FOXP1: variants seen among roughly 807,000 people sequenced by gnomAD.
The protein encoded by FOXP1 is forkhead box protein P1.
A neutral mutation model predicts 98.2 loss-of-function variants in FOXP1; 15 were observed. The ratio of observed to expected loss-of-function variants is 0.15; its 90% CI spans 0.10 to 0.24. The LOEUF (loss-of-function observed/expected upper bound fraction) is 0.24, where lower values mean the gene tolerates loss of function less well. FOXP1 is among the 10% of genes least tolerant of loss of function. The pLI, the probability that FOXP1 is intolerant of heterozygous loss-of-function variation, is 1.00. For synonymous variants in FOXP1, 371 were observed against 314.5 expected (o/e 1.18, Z -1.90); for missense variants, 633 against 848.5 (o/e 0.75, Z 3.15).
At chr3:71,415,017 C>T (rs2083101690) in intron 3 of FOXP1, among the ~76,000 whole-genome samples, 1 of 152,192 alleles carries the variant, frequency 6.6e-6, no homozygotes, top group Admixed American at 6.5e-5. Context: ...TATCTATAAT[C>T]TCACCCTAAG....
chr3:71,580,644 C>T (rs987502707), intron 2 of FOXP1, among the ~76,000 whole-genome samples: 21 of 151,848 alleles, frequency 1.4e-4, no homozygotes, highest in Non-Finnish European at 2.2e-4. Flanking sequence ...ACACATCTCC[C>T]TCCAAATTGA....
intron 5 of FOXP1, chr3:71,296,620 T>C (rs773573888): frequency 2.0e-5 from 3 of 151,122 alleles, no homozygotes; most frequent in African/African-American, 2.4e-5. Context: ...AAAAAAAAAG[T>C]GTTAAGTAAT....
chr3:71,190,332 T>C (rs1049792967), intron 6 of FOXP1, among the ~76,000 whole-genome samples: 3 of 151,968 alleles, frequency 2.0e-5, no homozygotes, highest in Non-Finnish European at 4.4e-5. Context: ...TAAATGAGGC[T>C]GGGTGTGGTG....
intron 12 of FOXP1, 32 bp downstream of exon 12, chr3:71,015,517 A>C: frequency 6.7e-7 from 1 of 1,490,682 alleles, no homozygotes. Flanking sequence ...TTGGCTATGT[A>C]AAAGAAGAAA....
rs2032382100 is a variant in FOXP1 at position 70,958,438 on chromosome 3, T to TAGAGA, written c.*804_*808dup. Reference sequence around the variant, plus strand: ...ACCAAAACGGAATGTTTTCTGACTTTAGAGAAACGTGGTGATGTCTGAAGG... The same window carrying TAGAGA: ...ACCAAAACGGAATGTTTTCTGACTTTAGAGAAGAGAAACGTGGTGATGTCTGAAGG... On this transcript the variant is annotated 3_prime_UTR_variant, in exon 21 of 21. Transcript: ENST00000649528. The TAGAGA allele has an allele frequency of 2.3e-6, 1 of 431,246 alleles. No homozygotes were observed. Among genetic ancestry groups the TAGAGA allele is most frequent in the South Asian group, 2.2e-5 (1 of 45,714 alleles). 26.7% of individuals were successfully genotyped at this position (431,246 alleles called of 1,614,324 possible).
chr3:71,433,361 C>T (rs755815626), intron 3 of FOXP1, among the ~76,000 whole-genome samples: 2 of 152,170 alleles, frequency 1.3e-5, no homozygotes, highest in African/African-American at 4.8e-5. Context: ...TGTATAAACA[C>T]TCTACGTGTC....
chr3:71,339,204 G>A (rs1459959892), intron 4 of FOXP1, among the ~76,000 whole-genome samples: 5 of 152,294 alleles, frequency 3.3e-5, no homozygotes, highest in South Asian at 2.1e-4. Context: ...AGTTGATGCC[G>A]CACACGGCTA....
At position 71,052,620 on chromosome 3, in the gene FOXP1, G is replaced by A. The variant is rs1412276376; in HGVS notation, c.427C>T (p.Leu143Phe). The change falls in exon 9 of 21, where the codon CTT (leucine) becomes TTT (phenylalanine). Residue 143 changes from leucine to phenylalanine, a missense_variant. Physicochemically the swap from Leu to Phe is conservative, Grantham distance 22. Around this residue, in one of 6 missense-constraint regions of FOXP1, gnomAD observed 210 missense variants for 270.6 expected, o/e 0.78. Coordinates refer to ENST00000649528, the MANE Select transcript of FOXP1 (RefSeq NM_001349338.3). Reference sequence around the variant, plus strand: ...TGTTGTTTTTTATAAAACTCTTGAAGCTGCTGCTACAAAGGAAAGAGAGGA... The same window carrying A: ...TGTTGTTTTTTATAAAACTCTTGAAACTGCTGCTACAAAGGAAAGAGAGGA... ...QQALMLQQQQLQEFYKKQQEQ... is the reference protein window; with the variant it reads ...QQALMLQQQQFQEFYKKQQEQ... 2 of 1,252,582 alleles carry A rather than the reference G, an allele frequency of 1.6e-6. No homozygotes were observed. Among genetic ancestry groups the A allele is most frequent in the Admixed American group, 1.7e-5 (1 of 59,606 alleles). The allele number at this position is 1,252,582 out of a possible 1,614,324, so 77.6% of individuals were successfully genotyped here. A position where few individuals can be genotyped will look rare whatever the true frequency, so the allele number is the denominator to read the frequency against.
chr3:71,003,165 G>A (rs2042326764), intron 12 of FOXP1, among the ~76,000 whole-genome samples: 2 of 152,104 alleles, frequency 1.3e-5, no homozygotes, highest in African/African-American at 4.8e-5. Flanking sequence ...AGTCACCCTC[G>A]CCAAACTGAT....
chr3:71,221,857 C>G (rs1242250281), intron 5 of FOXP1, among the ~76,000 whole-genome samples: 1 of 152,184 alleles, frequency 6.6e-6, no homozygotes, highest in Non-Finnish European at 1.5e-5. Flanking sequence ...TGAAGCCAAT[C>G]AGAACAAAGT....
At chr3:71,370,117 G>A (rs1399856376) in intron 3 of FOXP1, among the ~76,000 whole-genome samples, 3 of 152,192 alleles carry the variant, frequency 2.0e-5, no homozygotes. Flanking sequence ...GGACAAAGCA[G>A]ATAGGAGCAA....
chr3:71,530,007 A>T (rs1406222707), intron 2 of FOXP1, among the ~76,000 whole-genome samples: 1 of 152,154 alleles, frequency 6.6e-6, no homozygotes, highest in Non-Finnish European at 1.5e-5. Context: ...AAGCAGGGGC[A>T]GTCTAGTGGG....
At chr3:71,131,798 A>G (rs928100955) in intron 6 of FOXP1, among the ~76,000 whole-genome samples, 1 of 152,244 alleles carries the variant, frequency 6.6e-6, no homozygotes, top group Admixed American at 6.5e-5. Flanking sequence ...GTATTACAAT[A>G]GCAGAAATCA....
At chr3:71,335,591 G>A (rs539517298) in intron 4 of FOXP1, among the ~76,000 whole-genome samples, 1 of 152,132 alleles carries the variant, frequency 6.6e-6, no homozygotes, top group African/African-American at 2.4e-5. Context: ...AACTCATGAG[G>A]CCTGGACACA....
At chr3:71,523,909 T>C (rs1008027148) in intron 2 of FOXP1, among the ~76,000 whole-genome samples, 3 of 152,084 alleles carry the variant, frequency 2.0e-5, no homozygotes, top group Admixed American at 1.3e-4. Flanking sequence ...AGCAAAGAGA[T>C]GTGTAGCAGG....
chr3:71,515,449 A>AAAAC lies in FOXP1; in HGVS notation c.-297-21895_-297-21894insGTTT, dbSNP rs1553906397. 3.0e-3 allele frequency among the ~76,000 whole-genome samples: 415 copies of AAAAC among 140,674 alleles called. 12 individuals carry two copies. The highest frequency in any genetic ancestry group is 3.8e-3 in the Non-Finnish European group (243 of 64,736). 92.3% of individuals were successfully genotyped at this position (140,674 alleles called of 152,430 possible). ...TTTACACAGCAAAAAAAAAAAAAAAAAAAACTGCACATTTATACAGCTGAG... is the reference window on the plus strand; with the variant it reads ...TTTACACAGCAAAAAAAAAAAAAAAAAAACAAAACTGCACATTTATACAGCTGAG... On this transcript the variant is annotated intron_variant, in intron 2 of 20. Transcript: ENST00000649528.
chr3:71,281,837 A>C lies in FOXP1; in HGVS notation c.-12+17983T>G, dbSNP rs1459354642. Among the ~76,000 whole-genome samples, 5 of 152,078 alleles carry C rather than the reference A, an allele frequency of 3.3e-5. No homozygotes were observed. In the East Asian group the frequency reaches 9.7e-4, roughly 29 times the overall value. ...AAGCTGAGGCTGGGCACAGTGGCTT[A>C]TGCCTGTAATCTCAACACTTTGGGA... is the stretch of plus-strand genomic sequence containing the variant. On this transcript the variant is annotated intron_variant, in intron 5 of 20. Coordinates refer to ENST00000649528, the MANE Select transcript of FOXP1 (RefSeq NM_001349338.3).
At chr3:71,102,638 A>G (rs938416290) in intron 7 of FOXP1, among the ~76,000 whole-genome samples, 6 of 152,224 alleles carry the variant, frequency 3.9e-5, no homozygotes, top group Non-Finnish European at 4.4e-5. Context: ...TAGAAAGTGC[A>G]TATTTCAATT....
intron 5 of FOXP1, chr3:71,244,715 A>G (rs770946420): frequency 1.3e-5 from 2 of 151,758 alleles, no homozygotes; most frequent in Non-Finnish European, 2.9e-5. Flanking sequence ...GAATCCATGC[A>G]TGACAATTAA....
Sources: allele counts gnomAD v4.1 joint callset (sites outside exome capture counted in the v4.1 genomes callset), GRCh38; gene constraint gnomAD v4.1.1; regional missense constraint gnomAD v4.1.1; transcripts MANE v1.5; gene names NCBI Gene and HGNC (gene_info 2026-07-23, HGNC 2026-07-21).